FAM107B: variants seen among roughly 807,000 people sequenced by gnomAD.
FAM107B encodes protein FAM107B.
Under a neutral mutation model 31.5 loss-of-function variants are expected in FAM107B, and 21 were observed. The observed-to-expected ratio is 0.67, with a 90% CI of 0.47 to 0.96. FAM107B has a LOEUF of 0.96. FAM107B is among the 40% of genes least tolerant of loss of function. The probability of loss-of-function intolerance (pLI) is 0.00; values close to 1 mark genes in which losing one functional copy is unlikely to be tolerated. For missense variants in FAM107B, 452 were observed against 377.1 expected (o/e 1.20, Z -1.64); for synonymous variants, 157 against 141.5 (o/e 1.11, Z -0.78).
intron 2 of FAM107B, among the ~76,000 whole-genome samples, chr10:14,631,965 G>A (rs1418405616): frequency 6.6e-6 from 1 of 152,106 alleles, no homozygotes; most frequent in African/African-American, 2.4e-5. Context: ...AAAAGTGCAG[G>A]TTCCTGAGCC....
At chr10:14,754,210 A>G (rs1282811552) in intron 1 of FAM107B, among the ~76,000 whole-genome samples, 1 of 152,186 alleles carries the variant, frequency 6.6e-6, no homozygotes. Flanking sequence ...AATTGCTAGG[A>G]TTACAGGCGT....
chr10:14,624,774 A>G (rs544903359), intron 2 of FAM107B, among the ~76,000 whole-genome samples: 31 of 152,360 alleles, frequency 2.0e-4, no homozygotes, highest in South Asian at 4.1e-4. Context: ...AGAAAAGAAA[A>G]ACAGAGTGGG....
chr10:14,548,465 G>GGA (rs1385984359), intron 2 of FAM107B: 1 of 985,656 alleles, frequency 1.0e-6, no homozygotes, highest in African/African-American at 1.7e-5. Flanking sequence ...TGGAAGCGCA[G>GGA]GGCTCCTCTG....
At chr10:14,592,118 C>A (rs1161104845) in intron 2 of FAM107B, among the ~76,000 whole-genome samples, 2 of 152,192 alleles carry the variant, frequency 1.3e-5, no homozygotes, top group Non-Finnish European at 2.9e-5. Flanking sequence ...GATCCCTGGG[C>A]TTCCCCGATC....
chr10:14,610,424 T>A (rs771897870), intron 2 of FAM107B, among the ~76,000 whole-genome samples: 1 of 152,234 alleles, frequency 6.6e-6, no homozygotes, highest in Non-Finnish European at 1.5e-5. Context: ...GAAGTCCCTT[T>A]ATTTTGCTTA....
At chr10:14,549,613 T>C (rs1849068947) in intron 2 of FAM107B, among the ~76,000 whole-genome samples, 1 of 152,202 alleles carries the variant, frequency 6.6e-6, no homozygotes, top group African/African-American at 2.4e-5. Flanking sequence ...TGGAGGCTTG[T>C]GGTTCCAGGA....
intron 1 of FAM107B, among the ~76,000 whole-genome samples, chr10:14,731,188 G>A (rs1443390047): frequency 1.3e-5 from 2 of 152,098 alleles, no homozygotes; most frequent in African/African-American, 4.8e-5. Flanking sequence ...TACTAAAAAG[G>A]TGTCAGGTAC....
intron 1 of FAM107B, among the ~76,000 whole-genome samples, chr10:14,767,378 C>T (rs1009219959): frequency 4.0e-5 from 6 of 151,796 alleles, no homozygotes; most frequent in African/African-American, 9.7e-5. Flanking sequence ...AGGCATGAGC[C>T]ACCGCACCCG....
intron 2 of FAM107B, among the ~76,000 whole-genome samples, chr10:14,626,194 G>A (rs375363676): frequency 2.0e-5 from 3 of 152,188 alleles, no homozygotes; most frequent in African/African-American, 7.2e-5. Flanking sequence ...CAGCCCCTGG[G>A]TCGCCTGGGA....
intron 2 of FAM107B, among the ~76,000 whole-genome samples, chr10:14,559,067 C>T (rs768948007): frequency 2.0e-4 from 30 of 146,788 alleles, no homozygotes; most frequent in Non-Finnish European, 2.8e-4. Flanking sequence ...CTTTCAACCA[C>T]GGCTCACACA....
At chr10:14,559,191 T>TACAACACGGCCTGTGCC (rs1020263175) in intron 2 of FAM107B, among the ~76,000 whole-genome samples, 1 of 150,996 alleles carries the variant, frequency 6.6e-6, no homozygotes, top group African/African-American at 2.4e-5. Context: ...CAGCCACAAG[T>TACAACACGGCCTGTGCC]ACAACACGGC....
chr10:14,535,177 A>C (rs1847481839), intron 2 of FAM107B, among the ~76,000 whole-genome samples: 1 of 152,238 alleles, frequency 6.6e-6, no homozygotes, highest in Admixed American at 6.5e-5. Flanking sequence ...ACTCAAAGTA[A>C]CTTTTTTTAA....
At chr10:14,675,259 T>C (rs1854654737) in intron 1 of FAM107B, among the ~76,000 whole-genome samples, 1 of 152,192 alleles carries the variant, frequency 6.6e-6, no homozygotes, top group Admixed American at 6.5e-5. Flanking sequence ...TTCCCAATTT[T>C]ATGGCACCGT....
chr10:14,639,170 G>A (rs1281923542), intron 2 of FAM107B, among the ~76,000 whole-genome samples: 1 of 152,012 alleles, frequency 6.6e-6, no homozygotes, highest in Admixed American at 6.6e-5. Flanking sequence ...CTGCAGCCTG[G>A]GTGACAGACC....
chr10:14,763,011 C>T (rs1833088015), intron 1 of FAM107B, among the ~76,000 whole-genome samples: 1 of 151,904 alleles, frequency 6.6e-6, no homozygotes, highest in Admixed American at 6.5e-5. Flanking sequence ...GCCTATAATC[C>T]CAGCACTTTG....
At chr10:14,761,011 C>CAAAAAAAAAAAAA (rs565835423) in intron 1 of FAM107B, among the ~76,000 whole-genome samples, 1 of 77,624 alleles carries the variant, frequency 1.3e-5, no homozygotes, top group Non-Finnish European at 2.7e-5. Context: ...GACTCCGTTT[C>CAAAAAAAAAAAAA]AAAAAAAAAA....
At chr10:14,689,113 C>G (rs997199395) in intron 1 of FAM107B, among the ~76,000 whole-genome samples, 8 of 152,080 alleles carry the variant, frequency 5.3e-5, no homozygotes, top group African/African-American at 1.7e-4. Flanking sequence ...TCAAGAAGCT[C>G]CTGGTGGCCA....
In FAM107B at chr10:14,655,664, G is replaced by T. The variant is rs1000980516; in HGVS notation, c.469+11970C>A. On this transcript the variant is annotated intron_variant, in intron 2 of 4. Transcript: ENST00000181796. ...AGTAGACCCTGAGGCAGGGATTCAG[G>T]GAGAAGCAGTTCATATGTGAAGGGA... is the stretch of plus-strand genomic sequence containing the variant. Among the ~76,000 whole-genome samples, 3 of 152,218 alleles carry T rather than the reference G, an allele frequency of 2.0e-5. No homozygotes were observed. The East Asian group carries it at 5.8e-4, about 29-fold the overall frequency.
In FAM107B at chr10:14,699,573, C is replaced by T. The variant is rs773158935; in HGVS notation, c.412-31882G>A. On this transcript the variant is annotated intron_variant, in intron 1 of 4. Coordinates refer to ENST00000181796, the MANE Select transcript of FAM107B (RefSeq NM_031453.4). ...TTGTTCTATCAAGCCCGCAATGAATCGGAGGGTGCCTGCCCACATCAGCAA... is the reference window on the plus strand; with the variant it reads ...TTGTTCTATCAAGCCCGCAATGAATTGGAGGGTGCCTGCCCACATCAGCAA... Among the ~76,000 whole-genome samples, 160 of 152,214 alleles carry T rather than the reference C, an allele frequency of 1.1e-3. 1 individual carries two copies. Among genetic ancestry groups the T allele is most frequent in the Non-Finnish European group, 1.2e-3 (80 of 68,044 alleles).
Sources: gnomAD v4.1 joint callset for allele counts (sites outside exome capture counted in the v4.1 genomes callset) on GRCh38, gnomAD v4.1.1 for gene constraint, MANE v1.5 for transcripts, NCBI Gene and HGNC (gene_info 2026-07-23, HGNC 2026-07-21) for gene names.